Variants in PLEKHD1 observed in about 807,000 individuals in gnomAD.
PLEKHD1 encodes pleckstrin homology domain-containing family D member 1.
In PLEKHD1, 51 loss-of-function variants were observed where a neutral mutation model predicts 69.2. The observed-to-expected ratio is 0.74, with a 90% CI of 0.59 to 0.93. The LOEUF is 0.93. PLEKHD1 is among the 40% of genes least tolerant of loss of function. The probability of loss-of-function intolerance (pLI) is 0.00; values close to 1 mark genes in which losing one functional copy is unlikely to be tolerated. For synonymous variants in PLEKHD1, 236 were observed against 244.7 expected (o/e 0.96, Z 0.33); for missense variants, 584 against 641.0 (o/e 0.91, Z 0.96).
At chr14:69,522,928 A>ATGTT (rs968344814) in intron 7 of PLEKHD1, among the ~76,000 whole-genome samples, 3 of 151,894 alleles carry the variant, frequency 2.0e-5, no homozygotes, top group Middle Eastern at 3.4e-3. Flanking sequence ...ATATATAAAA[A>ATGTT]TGTTTGTTTG....
At chr14:69,513,331 C>A (rs1319678433) in intron 6 of PLEKHD1, among the ~76,000 whole-genome samples, 1 of 152,148 alleles carries the variant, frequency 6.6e-6, no homozygotes, top group African/African-American at 2.4e-5. Context: ...CTCAGAATCA[C>A]AGCAGATTGA....
intron 6 of PLEKHD1, among the ~76,000 whole-genome samples, chr14:69,517,114 G>A (rs960546768): frequency 6.6e-6 from 1 of 151,972 alleles, no homozygotes; most frequent in African/African-American, 2.4e-5. Context: ...GAAGTTGCCT[G>A]GCAGGTTCTA....
intron 1 of PLEKHD1, among the ~76,000 whole-genome samples, chr14:69,494,780 T>G (rs566305024): frequency 5.4e-4 from 82 of 152,332 alleles, no homozygotes; most frequent in Non-Finnish European, 1.8e-4. Flanking sequence ...TGTACCTCTG[T>G]GCAGGGCACT....
chr14:69,521,598 A>T (rs568527792), intron 6 of PLEKHD1, among the ~76,000 whole-genome samples: 3 of 152,136 alleles, frequency 2.0e-5, no homozygotes, highest in African/African-American at 7.2e-5. Flanking sequence ...GTGCCCCCCA[A>T]TGCCACCTGC....
chr14:69,475,359 G>T, the PLEKHD1 span, among the ~76,000 whole-genome samples: 1 of 152,178 alleles, frequency 6.6e-6, no homozygotes, highest in African/African-American at 2.4e-5. Flanking sequence ...TACCTTCAGG[G>T]TGTCTGCTGA....
At chr14:69,468,308 G>T in the PLEKHD1 span, among the ~76,000 whole-genome samples, 62 of 152,274 alleles carry the variant, frequency 4.1e-4, 2 homozygotes, top group South Asian at 0.012. Flanking sequence ...TTAATTTCAG[G>T]TATGAAAAGC....
At chr14:69,472,488 G>A in the PLEKHD1 span, among the ~76,000 whole-genome samples, 4 of 152,094 alleles carry the variant, frequency 2.6e-5, no homozygotes, top group Admixed American at 6.5e-5. Flanking sequence ...TTTCGGTAAC[G>A]TTAATCACCG....
chr14:69,502,735 G>A (rs1883057900), intron 5 of PLEKHD1, 92 bp from the exon 6 acceptor site: 3 of 1,505,392 alleles, frequency 2.0e-6, no homozygotes, highest in Non-Finnish European at 2.7e-6. Flanking sequence ...TGCTGGGGGT[G>A]ACAGCGACCA....
intron 8 of PLEKHD1, among the ~76,000 whole-genome samples, 154 bp downstream of exon 8, chr14:69,524,476 T>C (rs1199253274): frequency 6.6e-6 from 1 of 152,104 alleles, no homozygotes; most frequent in African/African-American, 2.4e-5. Flanking sequence ...TCTCTATGGA[T>C]CATTGAAAAC....
intron 6 of PLEKHD1, among the ~76,000 whole-genome samples, chr14:69,507,378 C>T (rs1389641628): frequency 1.3e-5 from 2 of 152,192 alleles, no homozygotes; most frequent in African/African-American, 2.4e-5. Flanking sequence ...ACCTTATCCG[C>T]ATGTCCTACA....
Position 69,525,994 on chromosome 14 carries a change from G to C in PLEKHD1, c.795G>C (p.Glu265Asp). ...CCCTGGAAATGCTGGAGGAGAACGA[G>C]AACCACCTGCAGACACTGGCCAATC... ...KKTLEMLEENENHLQTLANQS... is the reference protein window; with the variant it reads ...KKTLEMLEENDNHLQTLANQS... Residue 265 changes from glutamate to aspartate, a missense_variant, in exon 9 of 13, where the codon GAG (glutamate) becomes GAC (aspartate). By Grantham distance (45) the Glu-to-Asp change is conservative (BLOSUM62 2). Transcript: ENST00000322564. 1 of 1,551,660 alleles carries C rather than the reference G, an allele frequency of 6.4e-7. No individual in the cohort carries two copies.
intron 1 of PLEKHD1, among the ~76,000 whole-genome samples, chr14:69,494,870 A>G (rs1308459501): frequency 6.6e-6 from 1 of 152,232 alleles, no homozygotes; most frequent in Non-Finnish European, 1.5e-5. Context: ...AGACAGGTTT[A>G]TAAGCAAGGC....
chr14:69,520,019 T>A (rs1883475674), intron 6 of PLEKHD1, among the ~76,000 whole-genome samples: 2 of 151,486 alleles, frequency 1.3e-5, no homozygotes, highest in Non-Finnish European at 2.9e-5. Context: ...ATGCAAAAAT[T>A]AGCCAGGTGT....
chr14:69,526,112 G>T lies in PLEKHD1; in HGVS notation c.913G>T (p.Ala305Ser), dbSNP rs1302355199. The change falls in exon 9 of 13, where the codon GCA becomes TCA. Residue 305 changes from alanine (A) to serine (S), a missense_variant. By Grantham distance (99) the Ala-to-Ser change is moderately conservative (BLOSUM62 1). Coordinates refer to ENST00000322564, the MANE Select transcript of PLEKHD1 (RefSeq NM_001161498.2). ...GCAGCTCTTAGAGGAGAAGCTCCTGGCAGAGAAGCGGTGAGGGAGCCCCGA... is the reference window on the plus strand; with the variant it reads ...GCAGCTCTTAGAGGAGAAGCTCCTGTCAGAGAAGCGGTGAGGGAGCCCCGA... The part of the protein sequence containing the change: ...MQQLLEEKLL[A>S]EKRMKENEER... 1 of 1,549,730 alleles carries T rather than the reference G, an allele frequency of 6.5e-7. No individual in the cohort carries two copies. Among genetic ancestry groups the T allele is most frequent in the Admixed American group, 2.0e-5 (1 of 50,502 alleles).
intron 6 of PLEKHD1, among the ~76,000 whole-genome samples, chr14:69,521,891 T>C (rs1371504158): frequency 6.6e-6 from 1 of 152,130 alleles, no homozygotes; most frequent in Non-Finnish European, 1.5e-5. Context: ...GGATCTCGAA[T>C]GGAAATACAC....
At chr14:69,516,086 A>G (rs1883378639) in intron 6 of PLEKHD1, among the ~76,000 whole-genome samples, 1 of 152,042 alleles carries the variant, frequency 6.6e-6, no homozygotes, top group Non-Finnish European at 1.5e-5. Context: ...CAAGTGATCC[A>G]CTTTGTGGAT....
At chr14:69,501,138 A>G (rs1482604920) in intron 4 of PLEKHD1, 191 bp downstream of exon 4, 2 of 619,100 alleles carry the variant, frequency 3.2e-6, no homozygotes, top group Non-Finnish European at 5.7e-6. Flanking sequence ...AGTGAGCTTG[A>G]AAAGTGTCTA....
intron 6 of PLEKHD1, among the ~76,000 whole-genome samples, chr14:69,520,828 G>A (rs142853231): frequency 1.3e-5 from 2 of 152,362 alleles, no homozygotes; most frequent in Non-Finnish European, 2.9e-5. Flanking sequence ...AGGGAACGTA[G>A]CACATCATGC....
intron 1 of PLEKHD1, among the ~76,000 whole-genome samples, chr14:69,498,040 T>A (rs1882925933): frequency 7.0e-6 from 1 of 142,858 alleles, no homozygotes; most frequent in Admixed American, 7.0e-5. Context: ...TTGTTTTATT[T>A]TATTTTATTT....
Sources: allele counts gnomAD v4.1 joint callset (sites outside exome capture counted in the v4.1 genomes callset), GRCh38; gene constraint gnomAD v4.1.1; transcripts MANE v1.5; gene names NCBI Gene and HGNC (gene_info 2026-07-23, HGNC 2026-07-21).